RSPH9: variants seen among roughly 807,000 people sequenced by gnomAD.
RSPH9 encodes radial spoke head component 9.
In RSPH9, 27 loss-of-function variants were observed where a neutral mutation model predicts 27.0. That is an observed-to-expected ratio of 1.00 (90% CI 0.74 to 1.38). The LOEUF is 1.38. Among genes scored for constraint, RSPH9 ranks in the 40% most tolerant of loss-of-function variants. The pLI, the probability that RSPH9 is intolerant of heterozygous loss-of-function variation, is 0.00. For missense variants in RSPH9, 347 were observed against 357.4 expected (o/e 0.97, Z 0.24); for synonymous variants, 145 against 147.7 (o/e 0.98, Z 0.13).
chr6:43,645,166 A>G lies in RSPH9; in HGVS notation c.68A>G (p.Asp23Gly). The G allele has an allele frequency of 6.2e-7, 1 of 1,613,630 alleles. No individual in the cohort carries two copies. Among genetic ancestry groups the G allele is most frequent in the Non-Finnish European group, 8.5e-7 (1 of 1,179,982 alleles). ...GGCAGTGGGCAGGGCCTCAGCCCGG[A>G]CCGTCGGGCCTCGCTGCTCACGTCT... ...ASGSGQGLSP[D>G]RRASLLTSLM... The change falls in exon 1 of 5, where the codon GAC (aspartate) becomes GGC (glycine). Residue 23 changes from aspartate (D) to glycine (G), a missense_variant. By Grantham distance (94) the Asp-to-Gly change is moderately conservative. Coordinates refer to ENST00000372163, the MANE Select transcript of RSPH9 (RefSeq NM_152732.5).
At chr6:43,664,674 A>G (rs1772972597) in intron 4 of RSPH9, among the ~76,000 whole-genome samples, 1 of 152,208 alleles carries the variant, frequency 6.6e-6, no homozygotes, top group Admixed American at 6.5e-5. Context: ...TCATACAGGA[A>G]CATCTGAGTC....
chr6:43,672,225 C>G lies in RSPH9; in HGVS notation c.*1276C>G. Reference sequence around the variant, plus strand: ...GGTGGCGAAGAGGCTGCCTGAAGAGCAGATCATTCCTCTCTGGCCTCAGCC... The same window carrying G: ...GGTGGCGAAGAGGCTGCCTGAAGAGGAGATCATTCCTCTCTGGCCTCAGCC... On this transcript the variant is annotated 3_prime_UTR_variant, in exon 5 of 5. Coordinates refer to ENST00000372163, the MANE Select transcript of RSPH9 (RefSeq NM_152732.5). 2.2e-6 allele frequency: 1 copy of G among 449,970 alleles called. No individual in the cohort carries two copies. 27.9% of individuals were successfully genotyped at this position (449,970 alleles called of 1,614,324 possible).
Position 43,671,882 on chromosome 6 carries a change from G to C in RSPH9, c.*933G>C, listed in dbSNP as rs1466367546. The C allele has an allele frequency of 1.9e-6, 3 of 1,612,944 alleles. No homozygotes were observed. The highest frequency in any genetic ancestry group is 1.7e-6 in the Non-Finnish European group (2 of 1,179,416). On this transcript the variant is annotated 3_prime_UTR_variant, in exon 5 of 5. Coordinates refer to ENST00000372163, the MANE Select transcript of RSPH9 (RefSeq NM_152732.5). ...CTTTTTTGTAGATGGGCTTGACGGAGCCAGGAGCCCAGCGCGTCAGGTACC... is the reference window on the plus strand; with the variant it reads ...CTTTTTTGTAGATGGGCTTGACGGACCCAGGAGCCCAGCGCGTCAGGTACC...
Position 43,671,396 on chromosome 6 carries a change from CT to C in RSPH9, c.*448del. On this transcript the variant is annotated 3_prime_UTR_variant, in exon 5 of 5. Transcript: ENST00000372163. ...CAGTGACTCAATGCTCAGCACCCAG[CT>C]GGCAATGTGCCCAGGACCCCCTGCA... 2 of 401,446 alleles carry C rather than the reference CT, an allele frequency of 5.0e-6. No homozygotes were observed. Among genetic ancestry groups the C allele is most frequent in the South Asian group, 5.4e-5 (2 of 36,806 alleles). The allele number at this position is 401,446 out of a possible 1,614,324, so 24.9% of individuals were successfully genotyped here.
In RSPH9 at chr6:43,662,888, C is replaced by T. The variant is rs1772779120; in HGVS notation, c.670+6165C>T. Among the ~76,000 whole-genome samples, 7 of 152,206 alleles carry T rather than the reference C, an allele frequency of 4.6e-5. 1 individual carries two copies. In the South Asian group the frequency reaches 1.5e-3, roughly 32 times the overall value. On this transcript the variant is annotated intron_variant, in intron 4 of 4. Coordinates refer to ENST00000372163, the MANE Select transcript of RSPH9 (RefSeq NM_152732.5). Reference sequence around the variant, plus strand: ...CATAACTCATTGTAACTTTGAACTCCTGGGCTCAAGCAATCCTCCTGCCTC... The same window carrying T: ...CATAACTCATTGTAACTTTGAACTCTTGGGCTCAAGCAATCCTCCTGCCTC...
At chr6:43,648,164 G>A (rs1197736574) in intron 1 of RSPH9, among the ~76,000 whole-genome samples, 1 of 152,106 alleles carries the variant, frequency 6.6e-6, no homozygotes, top group African/African-American at 2.4e-5. Flanking sequence ...AGCTACTTGG[G>A]AGGCTGAGGC....
chr6:43,670,770 C>T lies in RSPH9; in HGVS notation c.671-19C>T. 1 of 1,612,374 alleles carries T rather than the reference C, an allele frequency of 6.2e-7. No homozygotes were observed. Among genetic ancestry groups the T allele is most frequent in the Non-Finnish European group, 8.5e-7 (1 of 1,178,600 alleles). Reference sequence around the variant, plus strand: ...GCTCCAGCAGCACCAGGCCTCACCTCCTGCCTGTCTTATCTCAGGGTCCTG... The same window carrying T: ...GCTCCAGCAGCACCAGGCCTCACCTTCTGCCTGTCTTATCTCAGGGTCCTG... On this transcript the variant is annotated intron_variant, in intron 4 of 4. Coordinates refer to ENST00000372163, the MANE Select transcript of RSPH9 (RefSeq NM_152732.5).
chr6:43,666,307 G>T, intron 4 of RSPH9: 1 of 745,454 alleles, frequency 1.3e-6, no homozygotes, highest in Non-Finnish European at 2.3e-6. Context: ...CAGCTGGGCT[G>T]GGCTGCTAAT....
At chr6:43,665,025 C>A (rs1773009750) in intron 4 of RSPH9, among the ~76,000 whole-genome samples, 1 of 152,224 alleles carries the variant, frequency 6.6e-6, no homozygotes. Flanking sequence ...CCTTTGCAGC[C>A]TTCTTACCTG....
intron 4 of RSPH9, among the ~76,000 whole-genome samples, chr6:43,667,607 G>C (rs1260889411): frequency 1.3e-5 from 2 of 152,248 alleles, no homozygotes; most frequent in African/African-American, 4.8e-5. Context: ...TGGCTGACAA[G>C]TGTTCAGCCT....
Position 43,656,611 on chromosome 6 carries a change from C to T in RSPH9, c.558C>T (p.Ser186=). 1 of 1,614,196 alleles carries T rather than the reference C, an allele frequency of 6.2e-7. No individual in the cohort carries two copies. The change falls in exon 4 of 5, where the codon TCC becomes TCT. Residue 186 remains serine (S), a synonymous_variant. Coordinates refer to ENST00000372163, the MANE Select transcript of RSPH9 (RefSeq NM_152732.5). ...LSLSEAKKLS[S]YFHFREPVEL... ...TGTCTGAGGCCAAGAAGCTCAGCTC[C>T]TACTTCCATTTCAGGGAGCCTGTTG...
intron 2 of RSPH9, among the ~76,000 whole-genome samples, chr6:43,654,834 A>C (rs1165110873): frequency 6.6e-6 from 1 of 151,944 alleles, no homozygotes; most frequent in South Asian, 2.1e-4. Flanking sequence ...GAAATAAATA[A>C]ATAAAAATAA....
chr6:43,663,349 G>C (rs536452086), intron 4 of RSPH9, among the ~76,000 whole-genome samples: 21 of 151,984 alleles, frequency 1.4e-4, no homozygotes, highest in Non-Finnish European at 2.8e-4. Context: ...CTCCTGAGTA[G>C]CCGGGATTAT....
At position 43,671,995 on chromosome 6, in the gene RSPH9, C is replaced by CA; in HGVS notation, c.*1047dup. 7.2e-7 allele frequency: 1 copy of CA among 1,397,348 alleles called. No individual in the cohort carries two copies. The allele number at this position is 1,397,348 out of a possible 1,614,324, so 86.6% of individuals were successfully genotyped here. A position where few individuals can be genotyped will look rare whatever the true frequency, so the allele number is the denominator to read the frequency against. ...GGAGCACTACCTCCTCAGGCCAGGCCACGGTTGGGCAAGCAAATCCTTTCA... is the reference window on the plus strand; with the variant it reads ...GGAGCACTACCTCCTCAGGCCAGGCCAACGGTTGGGCAAGCAAATCCTTTCA... On this transcript the variant is annotated 3_prime_UTR_variant, in exon 5 of 5. Coordinates refer to ENST00000372163, the MANE Select transcript of RSPH9 (RefSeq NM_152732.5).
chr6:43,654,560 C>T (rs1479807017), intron 2 of RSPH9, among the ~76,000 whole-genome samples: 5 of 152,136 alleles, frequency 3.3e-5, no homozygotes, highest in East Asian at 3.9e-4. Flanking sequence ...CAGTGGCTCA[C>T]GCCTATAATC....
intron 4 of RSPH9, among the ~76,000 whole-genome samples, chr6:43,668,057 C>G (rs1002188565): frequency 6.6e-6 from 1 of 152,104 alleles, no homozygotes; most frequent in Non-Finnish European, 1.5e-5. Context: ...ATCACATCCT[C>G]AAAACACAGC....
chr6:43,648,692 G>A (rs995022748), intron 1 of RSPH9, among the ~76,000 whole-genome samples: 1 of 152,232 alleles, frequency 6.6e-6, no homozygotes, highest in African/African-American at 2.4e-5. Flanking sequence ...TGGAGTCAGG[G>A]AGACTAGTTA....
chr6:43,646,359 C>T (rs976869130), intron 1 of RSPH9, among the ~76,000 whole-genome samples: 3 of 151,818 alleles, frequency 2.0e-5, no homozygotes, highest in South Asian at 2.1e-4. Flanking sequence ...TGGTCTCGAT[C>T]TCCTGACCTC....
At chr6:43,645,434 G>C in intron 1 of RSPH9, 109 bp downstream of exon 1, 1 of 920,114 alleles carries the variant, frequency 1.1e-6, no homozygotes, top group Non-Finnish European at 1.7e-6. Context: ...GCCAAGGGAG[G>C]TGTGGGCGGG....
Sources: allele counts gnomAD v4.1 joint callset (sites outside exome capture counted in the v4.1 genomes callset), GRCh38; gene constraint gnomAD v4.1.1; transcripts MANE v1.5; gene names NCBI Gene and HGNC (gene_info 2026-07-23, HGNC 2026-07-21).